Variants in RAB38 observed in about 807,000 individuals in gnomAD.
RAB38 encodes the protein RAB38, member RAS oncogene family.
RAB38 carries 15 observed loss-of-function variants against 18.4 expected under a neutral mutation model. The observed-to-expected ratio is 0.82, with a 90% CI of 0.55 to 1.26. The LOEUF is 1.26. Among genes scored for constraint, RAB38 ranks in the 50% most tolerant of loss-of-function variants. RAB38 has a pLI of 0.00. For synonymous variants in RAB38, 101 were observed against 104.4 expected (o/e 0.97, Z 0.20); for missense variants, 294 against 267.4 (o/e 1.10, Z -0.69).
chr11:88,159,423 A>G (rs1456521031), intron 1 of RAB38, among the ~76,000 whole-genome samples: 1 of 151,782 alleles, frequency 6.6e-6, no homozygotes, highest in Non-Finnish European at 1.5e-5. Flanking sequence ...AAAAATCTAC[A>G]CATCCAATGC....
the RAB38 span, among the ~76,000 whole-genome samples, chr11:87,877,605 C>T: frequency 6.6e-6 from 1 of 151,556 alleles, no homozygotes; most frequent in Non-Finnish European, 1.5e-5. Context: ...ATTCAACCTC[C>T]ACCATGACTG....
At chr11:88,117,034 G>A (rs1350353647) in intron 2 of RAB38, among the ~76,000 whole-genome samples, 1 of 152,178 alleles carries the variant, frequency 6.6e-6, no homozygotes, top group African/African-American at 2.4e-5. Context: ...TAAATTGTTT[G>A]CGAGTTTTAA....
chr11:87,805,194 T>C, the RAB38 span, among the ~76,000 whole-genome samples: 68 of 152,316 alleles, frequency 4.5e-4, no homozygotes, highest in African/African-American at 1.5e-3. Flanking sequence ...GCCTGCTTGG[T>C]AACATTTTAA....
the RAB38 span, among the ~76,000 whole-genome samples, chr11:88,040,745 C>CAACAAT: frequency 6.6e-6 from 1 of 151,366 alleles, no homozygotes; most frequent in South Asian, 2.1e-4. Flanking sequence ...ACAACAACAA[C>CAACAAT]GAGCCTATCT....
the RAB38 span, among the ~76,000 whole-genome samples, chr11:87,805,935 C>T: frequency 5.3e-5 from 8 of 152,114 alleles, no homozygotes; most frequent in East Asian, 5.8e-4. Flanking sequence ...GGCCTCCCCA[C>T]GTTATTGGAG....
chr11:87,969,303 C>A, the RAB38 span, among the ~76,000 whole-genome samples: 1 of 152,052 alleles, frequency 6.6e-6, no homozygotes, highest in African/African-American at 2.4e-5. Context: ...ACACATATCC[C>A]CCCCCAATAG....
At chr11:87,953,062 ATTAT>A in the RAB38 span, among the ~76,000 whole-genome samples, 4 of 136,820 alleles carry the variant, frequency 2.9e-5, no homozygotes, top group South Asian at 4.7e-4. Context: ...TAAATATGTC[ATTAT>A]TTATTTACAC....
chr11:87,889,648 A>G, the RAB38 span, among the ~76,000 whole-genome samples: 1 of 151,926 alleles, frequency 6.6e-6, no homozygotes, highest in Non-Finnish European at 1.5e-5. Flanking sequence ...AAAGAAGCAC[A>G]CAGAAGCCAA....
In RAB38 at chr11:88,113,939, T is replaced by C; in HGVS notation, c.*49A>G. On this transcript the variant is annotated 3_prime_UTR_variant, in exon 3 of 3. Transcript: ENST00000243662. ...CAAAATGGTAAAAATAGAGGCACAATTTGTGGAACAATGAGGTCATTCCTA... is the reference window on the plus strand; with the variant it reads ...CAAAATGGTAAAAATAGAGGCACAACTTGTGGAACAATGAGGTCATTCCTA... 1 of 1,606,976 alleles carries C rather than the reference T, an allele frequency of 6.2e-7. No individual in the cohort carries two copies. Among genetic ancestry groups the C allele is most frequent in the Non-Finnish European group, 8.5e-7 (1 of 1,173,758 alleles).
the RAB38 span, among the ~76,000 whole-genome samples, chr11:87,827,916 G>A: frequency 6.6e-6 from 1 of 152,292 alleles, no homozygotes; most frequent in East Asian, 1.9e-4. Flanking sequence ...GCTTCTAAAT[G>A]CAGTGTAGTA....
the RAB38 span, among the ~76,000 whole-genome samples, chr11:88,103,660 CT>C: frequency 1.3e-5 from 2 of 151,986 alleles, no homozygotes; most frequent in African/African-American, 4.8e-5. Flanking sequence ...GTTATCATGG[CT>C]TACTCTAATT....
chr11:88,093,980 C>A, the RAB38 span, among the ~76,000 whole-genome samples: 1 of 145,482 alleles, frequency 6.9e-6, no homozygotes, highest in African/African-American at 2.4e-5. Context: ...AAATGAGCCA[C>A]TCCTGCATCA....
At chr11:88,078,687 G>A in the RAB38 span, among the ~76,000 whole-genome samples, 1 of 151,880 alleles carries the variant, frequency 6.6e-6, no homozygotes, top group Non-Finnish European at 1.5e-5. Context: ...ATCCCATTAA[G>A]ATAGAGAGTA....
chr11:88,017,299 C>A, the RAB38 span, among the ~76,000 whole-genome samples: 1 of 151,806 alleles, frequency 6.6e-6, no homozygotes, highest in South Asian at 2.1e-4. Flanking sequence ...GGAGAAAATC[C>A]ATTTAGTGAT....
At chr11:87,961,764 A>C in the RAB38 span, among the ~76,000 whole-genome samples, 1 of 152,116 alleles carries the variant, frequency 6.6e-6, no homozygotes, top group Admixed American at 6.6e-5. Context: ...CACAGACCAA[A>C]TACTACACTC....
chr11:88,094,058 C>A, the RAB38 span, among the ~76,000 whole-genome samples: 2 of 151,806 alleles, frequency 1.3e-5, no homozygotes, highest in Non-Finnish European at 2.9e-5. Flanking sequence ...TTTCCCTGGG[C>A]AGAATCTTCA....
chr11:88,074,838 A>G, the RAB38 span, among the ~76,000 whole-genome samples: 4 of 152,152 alleles, frequency 2.6e-5, no homozygotes, highest in African/African-American at 9.7e-5. Context: ...ACTCATATAG[A>G]CTGAAAGTAA....
the RAB38 span, among the ~76,000 whole-genome samples, chr11:87,852,246 C>G: frequency 4.6e-5 from 7 of 152,062 alleles, no homozygotes; most frequent in Non-Finnish European, 8.8e-5. Flanking sequence ...GTATGACCTA[C>G]TCTATGGGAG....
the RAB38 span, among the ~76,000 whole-genome samples, chr11:88,075,668 C>G: frequency 6.6e-6 from 1 of 152,004 alleles, no homozygotes; most frequent in South Asian, 2.1e-4. Context: ...ATCACTTGAG[C>G]TGAGGGGTTC....
Sources: gnomAD v4.1 joint callset for allele counts (sites outside exome capture counted in the v4.1 genomes callset) on GRCh38, gnomAD v4.1.1 for gene constraint, MANE v1.5 for transcripts, NCBI Gene and HGNC (gene_info 2026-07-23, HGNC 2026-07-21) for gene names.